The following ARPP21 variants were observed in gnomAD, a reference collection of about 807,000 sequenced individuals.
ARPP21 encodes the protein cAMP regulated phosphoprotein 21, also known as cAMP-regulated phosphoprotein 21.
In ARPP21, 69 loss-of-function variants were observed where a neutral mutation model predicts 113.2. That is an observed-to-expected ratio of 0.61 (90% CI 0.50 to 0.74). ARPP21 has a LOEUF of 0.74. Ranked by LOEUF, ARPP21 falls within the 30% of genes least tolerant of loss-of-function variation. ARPP21 has a pLI of 0.00. For missense variants in ARPP21, 1,070 were observed against 1,037.4 expected, an observed-to-expected ratio of 1.03 and a Z score of -0.43; for synonymous variants, 368 against 375.5, an observed-to-expected ratio of 0.98 and a Z score of 0.23.
intron 1 of ARPP21, among the ~76,000 whole-genome samples, chr3:35,653,267 A>G (rs1703238263): frequency 1.2e-5 from 1 of 83,818 alleles, no homozygotes; most frequent in East Asian, 3.0e-4. Context: ...TTGTTGAAGG[A>G]AGAATGAAAG....
chr3:35,725,028 G>A (rs1453161764), intron 14 of ARPP21, among the ~76,000 whole-genome samples: 1 of 152,208 alleles, frequency 6.6e-6, no homozygotes, highest in Non-Finnish European at 1.5e-5. Context: ...TCAAGACTAT[G>A]ATCTCTCTTT....
chr3:35,745,216 C>G (rs1258490067), intron 19 of ARPP21, among the ~76,000 whole-genome samples: 1 of 152,144 alleles, frequency 6.6e-6, no homozygotes, highest in Non-Finnish European at 1.5e-5. Flanking sequence ...AATCACTTGG[C>G]AATATTTTCT....
intron 19 of ARPP21, among the ~76,000 whole-genome samples, chr3:35,763,041 GC>G (rs1248036349): frequency 6.6e-6 from 1 of 152,060 alleles, no homozygotes; most frequent in African/African-American, 2.4e-5. Flanking sequence ...TGAGTCAGAG[GC>G]TACAATGGGG....
At chr3:35,742,913 A>T (rs1397388022) in intron 18 of ARPP21, among the ~76,000 whole-genome samples, 1 of 152,256 alleles carries the variant, frequency 6.6e-6, no homozygotes, top group Non-Finnish European at 1.5e-5. Context: ...AAGTGACCTT[A>T]ATATAAATGA....
At chr3:35,782,228 A>T (rs796515356) in intron 19 of ARPP21, among the ~76,000 whole-genome samples, 33 of 152,314 alleles carry the variant, frequency 2.2e-4, no homozygotes, top group African/African-American at 7.9e-4. Context: ...TAAATAATAT[A>T]GAGCATGTTA....
chr3:35,668,036 A>AAGAAGG lies in ARPP21; in HGVS notation c.-212-11746_-212-11745insGAGAAG, dbSNP rs1559550998. ...GAAGAAGAAGAAGAAGAAGAAGGAG[A>AAGAAGG]AGAAGAAGAAAGAAGAAAGTCATAA... On this transcript the variant is annotated intron_variant, in intron 1 of 20. Coordinates refer to ENST00000684406, the MANE Select transcript of ARPP21 (RefSeq NM_001385562.1). Among the ~76,000 whole-genome samples the AAGAAGG allele has an allele frequency of 6.9e-4, 99 of 143,672 alleles. 1 individual carries two copies. The highest frequency in any genetic ancestry group is 2.6e-3 in the African/African-American group (98 of 37,426). 94.3% of individuals were successfully genotyped at this position (143,672 alleles called of 152,430 possible).
intron 1 of ARPP21, among the ~76,000 whole-genome samples, chr3:35,647,190 T>C (rs1441267251): frequency 6.6e-6 from 1 of 152,186 alleles, no homozygotes; most frequent in African/African-American, 2.4e-5. Context: ...TTTAGTGTTT[T>C]GTCATCATCG....
rs987590401 is a variant in ARPP21, at chr3:35,696,606, T to A, written c.686+5601T>A. ...AATATGTTTTGCTCTGACACTTTTTTATTTTTTTATGGAATTTTTTGTCAG... is the reference window on the plus strand; with the variant it reads ...AATATGTTTTGCTCTGACACTTTTTAATTTTTTTATGGAATTTTTTGTCAG... On this transcript the variant is annotated intron_variant, in intron 9 of 20. Coordinates refer to ENST00000684406, the MANE Select transcript of ARPP21 (RefSeq NM_001385562.1). Among the ~76,000 whole-genome samples the A allele has an allele frequency of 5.3e-5, 8 of 151,716 alleles. No homozygotes were observed. The East Asian group carries it at 1.4e-3, about 26-fold the overall frequency.
intron 20 of ARPP21, among the ~76,000 whole-genome samples, chr3:35,793,223 G>T (rs929310038): frequency 6.6e-6 from 1 of 152,172 alleles, no homozygotes; most frequent in African/African-American, 2.4e-5. Context: ...GTTCTCTAAA[G>T]TTGCAGGTTG....
At chr3:35,707,241 C>G (rs1318376506) in intron 10 of ARPP21, among the ~76,000 whole-genome samples, 159 bp downstream of exon 10, 3 of 152,136 alleles carry the variant, frequency 2.0e-5, no homozygotes, top group Non-Finnish European at 4.4e-5. Flanking sequence ...CTTCCCTCCC[C>G]CTTTGGCATT....
chr3:35,794,110 T>TACAC lies in ARPP21; in HGVS notation c.*153_*156dup. 1 of 700,638 alleles carries TACAC rather than the reference T, an allele frequency of 1.4e-6. No individual in the cohort carries two copies. Among genetic ancestry groups the TACAC allele is most frequent in the East Asian group, 2.7e-5 (1 of 36,714 alleles). The allele number at this position is 700,638 out of a possible 1,614,324, so 43.4% of individuals were successfully genotyped here. ...TGTAAAAAATAAACAAAGACTAATA[T>TACAC]ACACGTTAGCTGGTTAATGGTGCAT... On this transcript the variant is annotated 3_prime_UTR_variant, in exon 21 of 21. Coordinates refer to ENST00000684406, the MANE Select transcript of ARPP21 (RefSeq NM_001385562.1).
chr3:35,786,872 T>A (rs914270476), intron 19 of ARPP21, among the ~76,000 whole-genome samples: 6 of 152,100 alleles, frequency 3.9e-5, no homozygotes, highest in Admixed American at 3.9e-4. Flanking sequence ...AAAATTCACC[T>A]CTCTGAGGCA....
intron 1 of ARPP21, among the ~76,000 whole-genome samples, chr3:35,664,850 C>A (rs1308468481): frequency 6.6e-6 from 1 of 151,616 alleles, no homozygotes; most frequent in African/African-American, 2.4e-5. Context: ...GAGCTGGAAC[C>A]GACTCCAGGC....
intron 19 of ARPP21, among the ~76,000 whole-genome samples, chr3:35,759,830 T>C (rs776648095): frequency 1.3e-5 from 2 of 152,020 alleles, no homozygotes; most frequent in Non-Finnish European, 2.9e-5. Context: ...GTCTGCCCAT[T>C]CTTTTTAAAC....
intron 1 of ARPP21, among the ~76,000 whole-genome samples, chr3:35,664,870 G>A (rs1709506381): frequency 6.6e-6 from 1 of 152,122 alleles, no homozygotes; most frequent in African/African-American, 2.4e-5. Context: ...CTGCTATGTG[G>A]CCTGATCTGG....
At chr3:35,697,173 T>C (rs1185696740) in intron 9 of ARPP21, among the ~76,000 whole-genome samples, 2 of 151,596 alleles carry the variant, frequency 1.3e-5, no homozygotes, top group Non-Finnish European at 3.0e-5. Context: ...TTTTGAACAT[T>C]TTTTGTCTTG....
At chr3:35,694,643 T>C (rs2083277171) in intron 9 of ARPP21, among the ~76,000 whole-genome samples, 1 of 151,190 alleles carries the variant, frequency 6.6e-6, no homozygotes, top group South Asian at 2.1e-4. Flanking sequence ...AATCTTATTC[T>C]CTTAAAGCAA....
At chr3:35,765,962 G>C (rs1230998631) in intron 19 of ARPP21, among the ~76,000 whole-genome samples, 1 of 152,142 alleles carries the variant, frequency 6.6e-6, no homozygotes, top group Non-Finnish European at 1.5e-5. Context: ...GGGGCATTTA[G>C]TGTTTGACAC....
chr3:35,738,592 T>C (rs1477699358), intron 17 of ARPP21, among the ~76,000 whole-genome samples: 1 of 152,178 alleles, frequency 6.6e-6, no homozygotes, highest in Non-Finnish European at 1.5e-5. Flanking sequence ...CCTTCAGAGT[T>C]AGAAATCAGG....
Sources: allele counts gnomAD v4.1 joint callset (sites outside exome capture counted in the v4.1 genomes callset), GRCh38; gene constraint gnomAD v4.1.1; transcripts MANE v1.5; gene names NCBI Gene and HGNC (gene_info 2026-07-23, HGNC 2026-07-21).